Variants in SGCD observed in about 807,000 individuals in gnomAD.
The protein encoded by SGCD is sarcoglycan delta, also known as delta-sarcoglycan.
SGCD carries 18 observed loss-of-function variants against 36.6 expected under a neutral mutation model. The ratio of observed to expected loss-of-function variants is 0.49; its 90% CI spans 0.34 to 0.73. The LOEUF is 0.73. SGCD is among the 30% of genes least tolerant of loss of function. The pLI is 0.01. For synonymous variants in SGCD, 133 were observed against 130.6 expected (o/e 1.02, Z -0.12); for missense variants, 387 against 346.7 (o/e 1.12, Z -0.92).
chr5:156,741,785 G>A (rs936988159), intron 7 of SGCD, among the ~76,000 whole-genome samples: 1 of 152,066 alleles, frequency 6.6e-6, no homozygotes, highest in African/African-American at 2.4e-5. Flanking sequence ...TAGACAATCA[G>A]TTCCTCAATT....
chr5:156,610,848 AG>A (rs1453856158), intron 6 of SGCD, among the ~76,000 whole-genome samples: 1 of 152,266 alleles, frequency 6.6e-6, no homozygotes, highest in African/African-American at 2.4e-5. Context: ...GGCCAGGCGC[AG>A]GATATAATCT....
At chr5:156,449,809 G>A (rs376874700) in intron 3 of SGCD, among the ~76,000 whole-genome samples, 9 of 137,504 alleles carry the variant, frequency 6.5e-5, no homozygotes, top group African/African-American at 1.1e-4. Flanking sequence ...CCAAGAATGC[G>A]CCACTGCACT....
At chr5:156,254,445 T>C (rs182268549) in intron 3 of SGCD, among the ~76,000 whole-genome samples, 2 of 152,344 alleles carry the variant, frequency 1.3e-5, no homozygotes, top group East Asian at 3.9e-4. Context: ...AAACCTTTTG[T>C]TCCTAATTAT....
chr5:156,667,630 A>C (rs1581365840), intron 7 of SGCD, among the ~76,000 whole-genome samples: 1 of 152,222 alleles, frequency 6.6e-6, no homozygotes, highest in East Asian at 1.9e-4. Context: ...GTTGGTCAGT[A>C]GTCTGTACTC....
At position 156,048,774 on chromosome 5, in the gene SGCD, T is replaced by C. The variant is rs938067605; in HGVS notation, c.-281-69104T>C. Among the ~76,000 whole-genome samples the C allele has an allele frequency of 2.0e-5, 3 of 152,210 alleles. 1 individual carries two copies. Among genetic ancestry groups the C allele is most frequent in the Non-Finnish European group, 2.9e-5 (2 of 68,040 alleles). On this transcript the variant is annotated intron_variant, in intron 1 of 9. Transcript: ENST00000517913. ...AAAATTTTTCTCCCATTCTGTAGGT[T>C]GCCTGTTCACTCTGATGGTAGTTTC...
Position 156,580,205 on chromosome 5 carries a change from T to A in SGCD, c.295-9026T>A, listed in dbSNP as rs77578628. ...TTCGGCTGAATATGAAATTCTGGGT[T>A]GAAAACTCTTTTCTTTAAGAATGCT... On this transcript the variant is annotated intron_variant, in intron 4 of 8. Coordinates refer to ENST00000337851, the MANE Select transcript of SGCD (RefSeq NM_000337.6). Among the ~76,000 whole-genome samples the A allele has an allele frequency of 2.0e-5, 3 of 152,214 alleles. No homozygotes were observed. The East Asian group carries it at 5.8e-4, about 29-fold the overall frequency.
At chr5:156,340,594 G>A (rs1230608159) in intron 2 of SGCD, among the ~76,000 whole-genome samples, 1 of 152,184 alleles carries the variant, frequency 6.6e-6, no homozygotes, top group Non-Finnish European at 1.5e-5. Context: ...CTAACACGAG[G>A]GGAAGTCAGA....
intron 3 of SGCD, among the ~76,000 whole-genome samples, chr5:156,507,971 T>C (rs773943423): frequency 1.3e-5 from 2 of 152,198 alleles, no homozygotes; most frequent in South Asian, 2.1e-4. Context: ...GGATTATTGT[T>C]ATATTTAAAC....
intron 3 of SGCD, among the ~76,000 whole-genome samples, chr5:156,413,014 G>A (rs1043852667): frequency 1.3e-5 from 2 of 151,370 alleles, no homozygotes; most frequent in African/African-American, 4.9e-5. Context: ...AGCCAGGATG[G>A]TCTCGATCTC....
chr5:156,416,334 A>C (rs535869114), intron 3 of SGCD, among the ~76,000 whole-genome samples: 1 of 152,336 alleles, frequency 6.6e-6, no homozygotes, highest in Non-Finnish European at 1.5e-5. Flanking sequence ...CAAAGGCATA[A>C]GAATGATACA....
At chr5:156,141,390 G>A (rs187645096) in intron 3 of SGCD, among the ~76,000 whole-genome samples, 63 of 152,328 alleles carry the variant, frequency 4.1e-4, no homozygotes, top group African/African-American at 1.2e-3. Context: ...CCCAGACTGC[G>A]AGAGCTGCAG....
chr5:156,079,315 G>A (rs1760885351), intron 1 of SGCD, among the ~76,000 whole-genome samples: 1 of 152,136 alleles, frequency 6.6e-6, no homozygotes, highest in African/African-American at 2.4e-5. Context: ...CATTCAACAT[G>A]AGACTTAGTG....
At chr5:155,959,638 G>A (rs1757750001) in intron 1 of SGCD, among the ~76,000 whole-genome samples, 1 of 152,042 alleles carries the variant, frequency 6.6e-6, no homozygotes, top group South Asian at 2.1e-4. Flanking sequence ...TAAATGCTAA[G>A]TAATATTTTA....
At chr5:156,185,887 G>GAGAGAGAGAGAGT (rs1763745191) in intron 3 of SGCD, among the ~76,000 whole-genome samples, 1 of 9,160 alleles carries the variant, frequency 1.1e-4, no homozygotes, top group African/African-American at 4.4e-4. Context: ...AGAGAGAGAG[G>GAGAGAGAGAGAGT]GCCATGTCTC....
intron 3 of SGCD, among the ~76,000 whole-genome samples, chr5:156,244,657 G>T (rs1765396543): frequency 6.6e-6 from 1 of 152,144 alleles, no homozygotes; most frequent in Non-Finnish European, 1.5e-5. Context: ...AAAATTAAAA[G>T]TTGAACAAAA....
intron 1 of SGCD, among the ~76,000 whole-genome samples, chr5:156,004,113 G>A (rs1323922140): frequency 6.6e-6 from 1 of 152,150 alleles, no homozygotes; most frequent in Non-Finnish European, 1.5e-5. Context: ...TCTTCAAAGA[G>A]TAAATAAATG....
intron 4 of SGCD, among the ~76,000 whole-genome samples, chr5:156,513,236 G>T (rs1554110879): frequency 6.6e-6 from 1 of 152,186 alleles, no homozygotes; most frequent in Non-Finnish European, 1.5e-5. Context: ...AGAAACTGGG[G>T]TTCTGGTATT....
At chr5:156,511,317 C>G (rs140554792) in intron 4 of SGCD, among the ~76,000 whole-genome samples, 11 of 152,228 alleles carry the variant, frequency 7.2e-5, no homozygotes, top group Non-Finnish European at 1.6e-4. Context: ...AATTCATTCA[C>G]TCTTCTGCAT....
chr5:156,146,390 G>A lies in SGCD; in HGVS notation c.-44+22371G>A, dbSNP rs114595660. On this transcript the variant is annotated intron_variant, in intron 3 of 9. Coordinates refer to the SGCD transcript ENST00000517913. ...ACCTATAAAGAAAACTCACAGTCACGTTAACCGAATGTTACAAAGCTTGAC... is the reference window on the plus strand; with the variant it reads ...ACCTATAAAGAAAACTCACAGTCACATTAACCGAATGTTACAAAGCTTGAC... Among the ~76,000 whole-genome samples the A allele has an allele frequency of 2.0e-3, 308 of 152,234 alleles. 1 individual carries two copies. Among genetic ancestry groups the A allele is most frequent in the African/African-American group, 7.1e-3 (294 of 41,546 alleles).
Sources: allele counts gnomAD v4.1 joint callset (sites outside exome capture counted in the v4.1 genomes callset), GRCh38; gene constraint gnomAD v4.1.1; transcripts MANE v1.5; gene names NCBI Gene and HGNC (gene_info 2026-07-23, HGNC 2026-07-21).